The following FRMD6 variants were observed in gnomAD, a reference collection of about 807,000 sequenced individuals.
FRMD6 encodes FERM domain-containing protein 6.
Under a neutral mutation model 73.2 loss-of-function variants are expected in FRMD6, and 37 were observed. The observed-to-expected ratio is 0.51, with a 90% CI of 0.39 to 0.66. The LOEUF is 0.66. Among genes scored for constraint, FRMD6 ranks in the 30% least tolerant of loss-of-function variants. FRMD6 has a pLI of 0.00. For synonymous variants in FRMD6, 273 were observed against 282.2 expected (o/e 0.97, Z 0.33); for missense variants, 714 against 780.5 (o/e 0.91, Z 1.02).
At chr14:51,576,373 A>G (rs1230425336) in intron 2 of FRMD6, among the ~76,000 whole-genome samples, 1 of 152,182 alleles carries the variant, frequency 6.6e-6, no homozygotes, top group African/African-American at 2.4e-5. Context: ...GCATGACAAC[A>G]TAGAGAAAGA....
intron 1 of FRMD6, among the ~76,000 whole-genome samples, chr14:51,564,772 C>G (rs1440292814): frequency 1.3e-5 from 2 of 152,178 alleles, no homozygotes; most frequent in African/African-American, 2.4e-5. Flanking sequence ...CATGTAGGAG[C>G]TCGCATTTGC....
At chr14:51,717,734 A>C (rs1258242999) in intron 10 of FRMD6, among the ~76,000 whole-genome samples, 1 of 152,128 alleles carries the variant, frequency 6.6e-6, no homozygotes, top group Non-Finnish European at 1.5e-5. Flanking sequence ...TTTTTTGGGC[A>C]TTAGTTTAGC....
chr14:51,581,623 T>A (rs922328992), intron 2 of FRMD6, among the ~76,000 whole-genome samples: 1 of 152,210 alleles, frequency 6.6e-6, no homozygotes, highest in Non-Finnish European at 1.5e-5. Context: ...TTTATATGTC[T>A]TTATCTATCC....
the FRMD6 span, among the ~76,000 whole-genome samples, chr14:51,417,873 C>T: frequency 6.6e-6 from 1 of 151,812 alleles, no homozygotes; most frequent in South Asian, 2.1e-4. Context: ...TTTCTCTAAC[C>T]TTGTCTTCTC....
the FRMD6 span, among the ~76,000 whole-genome samples, chr14:51,435,688 T>A: frequency 6.6e-6 from 1 of 152,166 alleles, no homozygotes; most frequent in Non-Finnish European, 1.5e-5. Context: ...TTAACCAATA[T>A]GAAATTACAG....
At chr14:51,569,503 C>CTTTCTTTTTTTTTTTTTTTTTTTTTTT in intron 1 of FRMD6, among the ~76,000 whole-genome samples, 1 of 122,900 alleles carries the variant, frequency 8.1e-6, no homozygotes. Context: ...TTCTTTCTTT[C>CTTTCTTTTTTTTTTTTTTTTTTTTTTT]TTTCTTTTTT....
intron 1 of FRMD6, among the ~76,000 whole-genome samples, chr14:51,535,453 T>A (rs1262319107): frequency 6.6e-6 from 1 of 152,242 alleles, no homozygotes; most frequent in Non-Finnish European, 1.5e-5. Context: ...CTCCACAGAT[T>A]TGCCTATTAT....
chr14:51,691,105 G>C (rs975867215), intron 2 of FRMD6, among the ~76,000 whole-genome samples: 1 of 152,150 alleles, frequency 6.6e-6, no homozygotes, highest in Non-Finnish European at 1.5e-5. Flanking sequence ...TCATGAAGCT[G>C]AAGTTATGTG....
chr14:51,491,915 G>A (rs1303471198), intron 1 of FRMD6, among the ~76,000 whole-genome samples: 2 of 152,340 alleles, frequency 1.3e-5, no homozygotes, highest in East Asian at 3.9e-4. Flanking sequence ...GAGACCAAAG[G>A]ACTTCCTCTG....
At chr14:51,612,728 G>A (rs1337637639) in intron 2 of FRMD6, among the ~76,000 whole-genome samples, 1 of 152,108 alleles carries the variant, frequency 6.6e-6, no homozygotes, top group Non-Finnish European at 1.5e-5. Flanking sequence ...TCATAAAGTT[G>A]GAGAACTGTA....
chr14:51,463,459 C>T, the FRMD6 span, among the ~76,000 whole-genome samples: 2 of 152,278 alleles, frequency 1.3e-5, no homozygotes, highest in East Asian at 3.9e-4. Context: ...TGGAATTTTT[C>T]CCCCAGAAAA....
the FRMD6 span, chr14:51,435,991 G>T: frequency 6.2e-6 from 1 of 161,114 alleles, no homozygotes; most frequent in South Asian, 1.7e-4. Flanking sequence ...CCTGCTTCCT[G>T]ATGAGCGAGG....
intron 1 of FRMD6, among the ~76,000 whole-genome samples, chr14:51,530,137 CAGTT>C (rs1488989804): frequency 6.6e-6 from 1 of 152,164 alleles, no homozygotes. Flanking sequence ...AGTAAATACT[CAGTT>C]AATCATTTCT....
chr14:51,590,551 G>A (rs75282855), intron 2 of FRMD6, among the ~76,000 whole-genome samples: 3,352 of 152,200 alleles, frequency 0.022, 112 homozygotes, highest in African/African-American at 0.076. Flanking sequence ...TCAAGTAAGA[G>A]TACAGACTGT....
At chr14:51,555,945 A>G (rs1444165741) in intron 1 of FRMD6, among the ~76,000 whole-genome samples, 1 of 152,222 alleles carries the variant, frequency 6.6e-6, no homozygotes, top group Non-Finnish European at 1.5e-5. Context: ...GATTTGTTCA[A>G]AAGTTGGAAC....
intron 1 of FRMD6, among the ~76,000 whole-genome samples, chr14:51,505,262 G>A (rs542282336): frequency 6.6e-6 from 1 of 151,884 alleles, no homozygotes; most frequent in African/African-American, 2.4e-5. Context: ...TTAGAGACAG[G>A]GTCTCCTTAT....
At chr14:51,511,738 C>T (rs1267378419) in intron 1 of FRMD6, among the ~76,000 whole-genome samples, 1 of 151,844 alleles carries the variant, frequency 6.6e-6, no homozygotes, top group African/African-American at 2.4e-5. Flanking sequence ...GGATGGTGGA[C>T]TAGGGGAGGG....
At chr14:51,438,235 G>A in the FRMD6 span, among the ~76,000 whole-genome samples, 19 of 152,290 alleles carry the variant, frequency 1.2e-4, no homozygotes, top group South Asian at 4.1e-4. Context: ...AATTCTCTCT[G>A]AATGATGACT....
intron 2 of FRMD6, among the ~76,000 whole-genome samples, chr14:51,617,273 CT>C (rs2139900089): frequency 1.3e-5 from 2 of 152,182 alleles, no homozygotes; most frequent in African/African-American, 4.8e-5. Flanking sequence ...AAAAGTGGCT[CT>C]GTCAGAGATT....
Sources: gnomAD v4.1 joint callset for allele counts (sites outside exome capture counted in the v4.1 genomes callset) on GRCh38, gnomAD v4.1.1 for gene constraint, MANE v1.5 for transcripts, NCBI Gene and HGNC (gene_info 2026-07-23, HGNC 2026-07-21) for gene names.